Variants in DMRT2 observed in about 807,000 individuals in gnomAD.
DMRT2 encodes the protein doublesex- and mab-3-related transcription factor 2.
Under a neutral mutation model 43.5 loss-of-function variants are expected in DMRT2, and 33 were observed. The ratio of observed to expected loss-of-function variants is 0.76; its 90% confidence interval spans 0.58 to 1.01. The LOEUF is 1.01. Ranked by LOEUF, DMRT2 falls within the 50% of genes least tolerant of loss-of-function variation. The pLI is 0.00. For missense variants in DMRT2, 1,064 were observed against 748.0 expected, an observed-to-expected ratio of 1.42 and a Z score of -4.93; for synonymous variants, 395 against 309.2, an observed-to-expected ratio of 1.28 and a Z score of -2.91.
Position 1,056,434 on chromosome 9 carries a change from T to C in DMRT2, c.847T>C (p.Tyr283His), listed in dbSNP as rs1306569931. 1 of 1,614,166 alleles carries C rather than the reference T, an allele frequency of 6.2e-7. No homozygotes were observed. Among genetic ancestry groups the C allele is most frequent in the Non-Finnish European group, 8.5e-7 (1 of 1,180,032 alleles). The change falls in exon 4 of 4, where the codon TAC becomes CAC. Residue 283 changes from tyrosine (Y) to histidine (H), a missense_variant. Coordinates refer to ENST00000358146, the MANE Select transcript of DMRT2 (RefSeq NM_181872.6). ...RMVPGPDYNSYKSAYSPSPVE... is the reference protein window; with the variant it reads ...RMVPGPDYNSHKSAYSPSPVE... ...GGTGCCTGGACCTGACTACAATTCC[T>C]ACAAAAGTGCCTACAGCCCCAGCCC...
rs771128890 is a variant in DMRT2, at chr9:1,051,686, G to A, written c.73G>A (p.Asp25Asn). Residue 25 changes from aspartate to asparagine, a missense_variant, in exon 2 of 4, where the codon GAC (aspartate) becomes AAC (asparagine). By Grantham distance (23) the Asp-to-Asn change is conservative. Transcript: ENST00000358146. The surrounding 1 kb of genome is among the most constrained non-coding windows in gnomAD (Gnocchi z 5.9). ...IDVESLELEE[D>N]VCGAPRSTPP... ...TGTCGAGAGCCTGGAGCTGGAAGAG[G>A]ACGTCTGCGGGGCGCCGCGGTCCAC... 1 of 1,564,232 alleles carries A rather than the reference G, an allele frequency of 6.4e-7. No homozygotes were observed. Among genetic ancestry groups the A allele is most frequent in the East Asian group, 2.4e-5 (1 of 41,522 alleles).
Position 1,057,307 on chromosome 9 carries a change from A to G in DMRT2, c.*34A>G, listed in dbSNP as rs368404730. 109 of 1,575,960 alleles carry G rather than the reference A, an allele frequency of 6.9e-5. No individual in the cohort carries two copies. Among genetic ancestry groups the G allele is most frequent in the Middle Eastern group, 1.7e-4 (1 of 5,826 alleles). On this transcript the variant is annotated 3_prime_UTR_variant, in exon 4 of 4. Transcript: ENST00000358146. ...TTAAACAGAAAGCTGGATTTTCTGC[A>G]GTCTTAGAGCATTATAGCCATTTGC...
Position 1,057,035 on chromosome 9 carries a change from C to A in DMRT2, c.1448C>A (p.Ser483Ter). ...TTCCAGCAAACACTTACTGACAAAT[C>A]GGGTCCTGAGTTGAAAACACCATTT... Reference protein sequence around the residue: ...SLFQQTLTDKSGPELKTPFVK... With the variant: ...SLFQQTLTDK The change falls in exon 4 of 4, where the codon TCG (serine) becomes TAG (stop). Residue 483 changes from serine to a stop codon, truncating the protein, a stop_gained. Transcript: ENST00000358146. LOFTEE classifies it high-confidence loss of function. The A allele has an allele frequency of 6.2e-7, 1 of 1,614,154 alleles. No individual in the cohort carries two copies. The highest frequency in any genetic ancestry group is 8.5e-7 in the Non-Finnish European group (1 of 1,180,028).
At position 1,057,009 on chromosome 9, in the gene DMRT2, A is replaced by T. The variant is rs554993616; in HGVS notation, c.1422A>T (p.Leu474Phe). The T allele has an allele frequency of 6.2e-7, 1 of 1,614,226 alleles. No individual in the cohort carries two copies. The highest frequency in any genetic ancestry group is 1.7e-5 in the Admixed American group (1 of 60,026). Residue 474 changes from leucine (L) to phenylalanine (F), a missense_variant, in exon 4 of 4, where the codon TTA becomes TTT. By Grantham distance (22) the Leu-to-Phe change is conservative. Transcript: ENST00000358146. Reference sequence around the variant, plus strand: ...TTAGACATAATCCATTCCACTCATTATTCCAGCAAACACTTACTGACAAAT... The same window carrying T: ...TTAGACATAATCCATTCCACTCATTTTTCCAGCAAACACTTACTGACAAAT... ...LPLRHNPFHS[L>F]FQQTLTDKSG...
Position 1,056,789 on chromosome 9 carries a change from C to T in DMRT2, c.1202C>T (p.Ser401Phe), listed in dbSNP as rs1438193635. 7 of 1,613,980 alleles carry T rather than the reference C, an allele frequency of 4.3e-6. No homozygotes were observed. Among genetic ancestry groups the T allele is most frequent in the Middle Eastern group, 1.6e-4 (1 of 6,084 alleles). Residue 401 changes from serine to phenylalanine, a missense_variant, in exon 4 of 4, where the codon TCC (serine) becomes TTC (phenylalanine). Transcript: ENST00000358146. ...QDMMPSKLEG[S>F]LVLPHTPEIQ... ...ATGATGCCATCGAAATTGGAAGGTT[C>T]CCTGGTGCTGCCTCACACTCCTGAG...
rs751627154 is a variant in DMRT2, at chr9:1,057,217, T to G, written c.1630T>G (p.Ser544Ala). The G allele has an allele frequency of 4.3e-6, 7 of 1,613,914 alleles. No homozygotes were observed. The highest frequency in any genetic ancestry group is 5.9e-6 in the Non-Finnish European group (7 of 1,179,976). The change falls in exon 4 of 4, where the codon TCT becomes GCT. Residue 544 changes from serine (S) to alanine (A), a missense_variant. Coordinates refer to ENST00000358146, the MANE Select transcript of DMRT2 (RefSeq NM_181872.6). ...KLSVNEPLSF[S>A]VESILKRPSS... ...CTCGGTGAATGAACCACTGTCATTT[T>G]CTGTTGAGTCTATTCTTAAGAGGCC...
intron 3 of DMRT2, among the ~76,000 whole-genome samples, chr9:1,055,416 ATTGCTTGTTCAACCATT>A (rs1436072870): frequency 6.6e-6 from 1 of 152,206 alleles, no homozygotes; most frequent in African/African-American, 2.4e-5. Context: ...TGTTTTAATG[ATTGCTTGTTCAACCATT>A]TTGGTATCCG....
At chr9:1,052,907 A>G (rs969169925) in intron 2 of DMRT2, 7 of 152,434 alleles carry the variant, frequency 4.6e-5, no homozygotes, top group African/African-American at 1.7e-4. Flanking sequence ...AAGACTTTCA[A>G]TTTTACTTTT....
rs1347492665 is a variant in DMRT2, at chr9:1,052,068, G to A, written c.455G>A (p.Cys152Tyr). Residue 152 changes from cysteine to tyrosine, a missense_variant, in exon 2 of 4, where the codon TGC becomes TAC. By Grantham distance (194) the Cys-to-Tyr change is radical. Coordinates refer to ENST00000358146, the MANE Select transcript of DMRT2 (RefSeq NM_181872.6). ...CRWRDCQCANCLLVVERQRVM... is the reference protein window; with the variant it reads ...CRWRDCQCANYLLVVERQRVM... The stretch of plus-strand genomic sequence containing the variant: ...TGGCGCGACTGCCAGTGCGCCAACT[G>A]CCTGCTGGTGGTGGAGCGGCAGCGC... 6.8e-7 allele frequency: 1 copy of A among 1,465,390 alleles called. No homozygotes were observed. The highest frequency in any genetic ancestry group is 9.0e-7 in the Non-Finnish European group (1 of 1,114,098). 90.8% of individuals were successfully genotyped at this position (1,465,390 alleles called of 1,614,324 possible).
At position 1,050,513 on chromosome 9, in the gene DMRT2, C is replaced by G. The variant is rs1233082651; in HGVS notation, c.-307C>G. The G allele has an allele frequency of 1.3e-5, 2 of 152,376 alleles. No homozygotes were observed. Among genetic ancestry groups the G allele is most frequent in the Non-Finnish European group, 2.9e-5 (2 of 68,096 alleles). The allele number at this position is 152,376 out of a possible 1,614,324, so 9.4% of individuals were successfully genotyped here. On this transcript the variant is annotated 5_prime_UTR_variant, in exon 1 of 4. Coordinates refer to ENST00000358146, the MANE Select transcript of DMRT2 (RefSeq NM_181872.6). ...GCGCCCGAGGCTGCAGAAGACCGAG[C>G]AGAACTTTGCAGAGTTCGGGATGTG...
In DMRT2 at chr9:1,051,437, G is replaced by T; in HGVS notation, c.-44-133G>T. 31 of 1,068,138 alleles carry T rather than the reference G, an allele frequency of 2.9e-5. No individual in the cohort carries two copies. The highest frequency in any genetic ancestry group is 3.9e-5 in the Non-Finnish European group (31 of 801,308). The allele number at this position is 1,068,138 out of a possible 1,614,324, so 66.2% of individuals were successfully genotyped here. ...CAGGAAAGGCACGTGTGGCCTGGAA[G>T]TGAGGGACATGTAATGAGAACAGGA... On this transcript the variant is annotated intron_variant, in intron 1 of 3. Coordinates refer to ENST00000358146, the MANE Select transcript of DMRT2 (RefSeq NM_181872.6). This position sits in a 1 kb window ranked among gnomAD's most constrained non-coding sequence, Gnocchi z 5.9.
At position 1,051,685 on chromosome 9, in the gene DMRT2, G is replaced by A. The variant is rs1389265829; in HGVS notation, c.72G>A (p.Glu24=). The A allele has an allele frequency of 2.6e-6, 4 of 1,563,894 alleles. No individual in the cohort carries two copies. The African/African-American group carries it at 5.6e-5, about 22-fold the overall frequency. Residue 24 remains glutamate, a synonymous_variant, in exon 2 of 4, where the codon GAG becomes GAA. Transcript: ENST00000358146. This position sits in a 1 kb window ranked among gnomAD's most constrained non-coding sequence, Gnocchi z 5.9. ...ATGTCGAGAGCCTGGAGCTGGAAGA[G>A]GACGTCTGCGGGGCGCCGCGGTCCA... ...EIDVESLELE[E]DVCGAPRSTP...
chr9:1,053,624 G>A (rs974110470), intron 2 of DMRT2, 98 bp from the exon 3 acceptor site: 3 of 1,015,826 alleles, frequency 3.0e-6, no homozygotes, highest in East Asian at 2.4e-5. Flanking sequence ...ATTTAGAAGG[G>A]GGAGAGTTTC....
chr9:1,056,121 C>G, intron 3 of DMRT2, 95 bp from the exon 4 acceptor site: 2 of 1,513,760 alleles, frequency 1.3e-6, no homozygotes, highest in Non-Finnish European at 1.8e-6. Flanking sequence ...AATAATTGTT[C>G]TGCTGATCTG....
At chr9:1,055,619 C>A in intron 3 of DMRT2, 1 of 1,173,680 alleles carries the variant, frequency 8.5e-7, no homozygotes, top group Non-Finnish European at 1.1e-6. Context: ...GACTAGTTAA[C>A]AGCTCTTTTC....
intron 2 of DMRT2, 102 bp downstream of exon 2, chr9:1,052,240 G>C: frequency 1.1e-6 from 1 of 921,090 alleles, no homozygotes; most frequent in Admixed American, 4.3e-5. Flanking sequence ...AGGGCCTTGC[G>C]GTGCCTGGCA....
chr9:1,054,279 C>G (rs561928872), intron 3 of DMRT2, among the ~76,000 whole-genome samples: 1 of 152,332 alleles, frequency 6.6e-6, no homozygotes, highest in African/African-American at 2.4e-5. Context: ...AACAACACAA[C>G]CACGTCCACT....
chr9:1,056,473 A>G lies in DMRT2; in HGVS notation c.886A>G (p.Ser296Gly). Residue 296 changes from serine (S) to glycine (G), a missense_variant, in exon 4 of 4, where the codon AGC (serine) becomes GGC (glycine). Physicochemically the swap from Ser to Gly is moderately conservative, Grantham distance 56 (BLOSUM62 0). Transcript: ENST00000358146. Reference protein sequence around the residue: ...AYSPSPVEPPSKDFCNFLPTC... With the variant: ...AYSPSPVEPPGKDFCNFLPTC... ...CAGCCCCAGCCCAGTGGAACCACCA[A>G]GCAAGGACTTCTGTAATTTTTTGCC... The G allele has an allele frequency of 1.2e-6, 2 of 1,614,210 alleles. No individual in the cohort carries two copies. The highest frequency in any genetic ancestry group is 1.1e-5 in the South Asian group (1 of 91,090).
At position 1,056,209 on chromosome 9, in the gene DMRT2, C is replaced by T. The variant is rs754689364; in HGVS notation, c.629-7C>T. 3 of 1,591,340 alleles carry T rather than the reference C, an allele frequency of 1.9e-6. No homozygotes were observed. Among genetic ancestry groups the T allele is most frequent in the Middle Eastern group, 1.7e-4 (1 of 5,826 alleles). Reference sequence around the variant, plus strand: ...TCTCTTTCATGTGCAATCTTTGCTTCTTGTAGGCTATCGCCCCATTCCAGC... The same window carrying T: ...TCTCTTTCATGTGCAATCTTTGCTTTTTGTAGGCTATCGCCCCATTCCAGC... On this transcript the variant is annotated splice_polypyrimidine_tract_variant and splice_region_variant and intron_variant, in intron 3 of 3. Coordinates refer to ENST00000358146, the MANE Select transcript of DMRT2 (RefSeq NM_181872.6).
Sources: allele counts gnomAD v4.1 joint callset (sites outside exome capture counted in the v4.1 genomes callset), GRCh38; gene constraint gnomAD v4.1.1; non-coding constraint Gnocchi (gnomAD v3.1); transcripts MANE v1.5; gene names NCBI Gene and HGNC (gene_info 2026-07-23, HGNC 2026-07-21).